The following PCDHGA7 variants were observed in gnomAD, a reference collection of about 807,000 sequenced individuals.
PCDHGA7 encodes the protein protocadherin gamma-A7.
Under a neutral mutation model 58.3 loss-of-function variants are expected in PCDHGA7, and 44 were observed. The ratio of observed to expected loss-of-function variants is 0.75; its 90% CI spans 0.59 to 0.97. The LOEUF (loss-of-function observed/expected upper bound fraction) is 0.97. PCDHGA7 is among the 50% of genes least tolerant of loss of function. PCDHGA7 has a pLI of 0.00. For synonymous variants in PCDHGA7, 516 were observed against 504.2 expected (o/e 1.02, Z -0.31); for missense variants, 1,266 against 1,188.7 (o/e 1.06, Z -0.96).
chr5:141,483,648 T>TTGTGTGTGTGTG (rs111458813), intron 1 of PCDHGA7, among the ~76,000 whole-genome samples: 51 of 149,708 alleles, frequency 3.4e-4, no homozygotes, highest in African/African-American at 1.2e-3. Context: ...GGGTGTGTGT[T>TTGTGTGTGTGTG]TGTGTGTGTG....
At position 141,476,387 on chromosome 5, in the gene PCDHGA7, C is replaced by T. The variant is rs147660262; in HGVS notation, c.2425-18420C>T. The T allele has an allele frequency of 6.2e-6, 10 of 1,613,958 alleles. No homozygotes were observed. Among genetic ancestry groups the T allele is most frequent in the Non-Finnish European group, 7.6e-6 (9 of 1,180,032 alleles). ...GACCGGAGAGATGTTTGTGAACGAC[C>T]GTCTGGATCGAGAGGAGCTGTGTGG... On this transcript the variant is annotated intron_variant, in intron 1 of 3. Coordinates refer to ENST00000518325, the MANE Select transcript of PCDHGA7 (RefSeq NM_018920.4). This position sits in a 1 kb window ranked among gnomAD's most constrained non-coding sequence, Gnocchi z 7.6.
chr5:141,431,610 T>A lies in PCDHGA7; in HGVS notation c.2424+46287T>A. The stretch of plus-strand genomic sequence containing the variant: ...GAAGTGAGGTATTCCTTCCGGTATG[T>A]GGACGACAAGGCGGCCCAAGTTTTC... On this transcript the variant is annotated intron_variant, in intron 1 of 3. Transcript: ENST00000518325. The surrounding 1 kb of genome is among the most constrained non-coding windows in gnomAD (Gnocchi z 4.8). 6.2e-7 allele frequency: 1 copy of A among 1,614,238 alleles called. No homozygotes were observed. Among genetic ancestry groups the A allele is most frequent in the Non-Finnish European group, 8.5e-7 (1 of 1,180,034 alleles).
Position 141,382,898 on chromosome 5 carries a change from C to T in PCDHGA7, c.-2C>T, listed in dbSNP as rs938652730. On this transcript the variant is annotated 5_prime_UTR_variant, in exon 1 of 4. Transcript: ENST00000518325. ...CGCCTAAGCAAGAGAAGCAGGACGA[C>T]TATGGCGGCTCAGCCGAGGGGCGGG... is the stretch of plus-strand genomic sequence containing the variant. 6.5e-7 allele frequency: 1 copy of T among 1,541,064 alleles called. No homozygotes were observed.
chr5:141,458,340 G>C (rs4551132), intron 1 of PCDHGA7, among the ~76,000 whole-genome samples: 42,372 of 151,882 alleles, frequency 0.28, 6,646 homozygotes, highest in African/African-American at 0.43. Context: ...TTTAAGGAGT[G>C]GAGAGTTTAA....
chr5:141,394,536 G>A lies in PCDHGA7; in HGVS notation c.2424+9213G>A. The A allele has an allele frequency of 1.2e-6, 2 of 1,614,188 alleles. No individual in the cohort carries two copies. Among genetic ancestry groups the A allele is most frequent in the Middle Eastern group, 1.7e-4 (1 of 6,058 alleles). Reference sequence around the variant, plus strand: ...CCTCCCCACAGACGGTTCCACTGGCGTGGAGCTGGCGCCCCGCTCCGCAGA... The same window carrying A: ...CCTCCCCACAGACGGTTCCACTGGCATGGAGCTGGCGCCCCGCTCCGCAGA... On this transcript the variant is annotated intron_variant, in intron 1 of 3. Transcript: ENST00000518325.
chr5:141,422,078 A>G lies in PCDHGA7; in HGVS notation c.2424+36755A>G, dbSNP rs1442545718. 11 of 1,612,298 alleles carry G rather than the reference A, an allele frequency of 6.8e-6. No homozygotes were observed. In the South Asian group the frequency reaches 8.8e-5, roughly 13 times the overall value. Reference sequence around the variant, plus strand: ...GGGGAAGTAATGTATTCATTTCGGAACATGGAAAGCAAGGCTTCTGAAATA... The same window carrying G: ...GGGGAAGTAATGTATTCATTTCGGAGCATGGAAAGCAAGGCTTCTGAAATA... On this transcript the variant is annotated intron_variant, in intron 1 of 3. Coordinates refer to ENST00000518325, the MANE Select transcript of PCDHGA7 (RefSeq NM_018920.4).
intron 1 of PCDHGA7, among the ~76,000 whole-genome samples, chr5:141,424,973 G>A (rs2096851520): frequency 6.6e-6 from 1 of 152,108 alleles, no homozygotes; most frequent in African/African-American, 2.4e-5. Flanking sequence ...AAATTACTTG[G>A]ATATTTATGT....
At position 141,432,156 on chromosome 5, in the gene PCDHGA7, C is replaced by A; in HGVS notation, c.2424+46833C>A. On this transcript the variant is annotated intron_variant, in intron 1 of 3. Transcript: ENST00000518325. This position sits in a 1 kb window ranked among gnomAD's most constrained non-coding sequence, Gnocchi z 6.0. Reference sequence around the variant, plus strand: ...TCCGCTTATATCCCAGAGAACAATCCCAGAGGAGTTTCCCTCGTCTCTGTG... The same window carrying A: ...TCCGCTTATATCCCAGAGAACAATCACAGAGGAGTTTCCCTCGTCTCTGTG... The A allele has an allele frequency of 6.2e-7, 1 of 1,614,142 alleles. No homozygotes were observed. Among genetic ancestry groups the A allele is most frequent in the East Asian group, 2.2e-5 (1 of 44,874 alleles).
chr5:141,469,395 T>G lies in PCDHGA7; in HGVS notation c.2425-25412T>G, dbSNP rs1332746609. ...ATCGAGACCATCCTGGCCAACATGG[T>G]GAAACCCCGTTTCTACTAAAAATAT... On this transcript the variant is annotated intron_variant, in intron 1 of 3. Transcript: ENST00000518325. Among the ~76,000 whole-genome samples, 6 of 152,194 alleles carry G rather than the reference T, an allele frequency of 3.9e-5. No homozygotes were observed. The East Asian group carries it at 1.2e-3, about 29-fold the overall frequency.
chr5:141,411,079 T>C (rs1178503371), intron 1 of PCDHGA7: 2 of 154,384 alleles, frequency 1.3e-5, no homozygotes, highest in African/African-American at 2.4e-5. Flanking sequence ...CAGAAACTCC[T>C]GTCCTCGTGA....
chr5:141,419,145 A>T, intron 1 of PCDHGA7: 1 of 1,613,940 alleles, frequency 6.2e-7, no homozygotes, highest in Non-Finnish European at 8.5e-7. Flanking sequence ...GACAGGGGCA[A>T]GCCTCCGTTA....
chr5:141,473,362 C>A (rs2099320242), intron 1 of PCDHGA7, among the ~76,000 whole-genome samples: 1 of 152,166 alleles, frequency 6.6e-6, no homozygotes, highest in Admixed American at 6.5e-5. Context: ...AAGTGGCCAC[C>A]AAAATAGCAT....
chr5:141,486,456 C>G lies in PCDHGA7; in HGVS notation c.2425-8351C>G. ...AGCTATGACATCATGGTCACTGCTT[C>G]TGATGCTGGGAACCCTCCTCTCAGT... is the stretch of plus-strand genomic sequence containing the variant. On this transcript the variant is annotated intron_variant, in intron 1 of 3. Transcript: ENST00000518325. The surrounding 1 kb of genome is among the most constrained non-coding windows in gnomAD (Gnocchi z 5.0). The G allele has an allele frequency of 1.9e-6, 3 of 1,614,052 alleles. No homozygotes were observed. In the South Asian group the frequency reaches 3.3e-5, roughly 18 times the overall value.
chr5:141,384,982 G>C lies in PCDHGA7; in HGVS notation c.2083G>C (p.Val695Leu). 6.2e-7 allele frequency: 1 copy of C among 1,614,144 alleles called. No homozygotes were observed. The highest frequency in any genetic ancestry group is 8.5e-7 in the Non-Finnish European group (1 of 1,180,040). The change falls in exon 1 of 4, where the codon GTG becomes CTG. Residue 695 changes from valine to leucine, a missense_variant. By Grantham distance (32) the Val-to-Leu change is conservative (BLOSUM62 1). Transcript: ENST00000518325. ...YNYDLTLYLV[V>L]AVATVSCVFL... ...CTATGACCTCACGTTGTACCTGGTG[G>C]TGGCGGTGGCCACAGTCTCCTGCGT...
At chr5:141,388,104 T>C in intron 1 of PCDHGA7, 1 of 1,386,112 alleles carries the variant, frequency 7.2e-7, no homozygotes, top group Non-Finnish European at 1.0e-6. Context: ...GGAGAAGCCT[T>C]ACTTCACCGT....
chr5:141,509,081 A>T (rs1279221589), intron 3 of PCDHGA7, among the ~76,000 whole-genome samples: 1 of 152,160 alleles, frequency 6.6e-6, no homozygotes, highest in Non-Finnish European at 1.5e-5. Context: ...GATTTGCGAC[A>T]TGAAATGGGG....
intron 1 of PCDHGA7, among the ~76,000 whole-genome samples, chr5:141,484,454 G>A (rs932663778): frequency 6.6e-6 from 1 of 152,212 alleles, no homozygotes; most frequent in African/African-American, 2.4e-5. Context: ...AATTGGCTAC[G>A]TTAATGTGTA....
At chr5:141,388,597 A>G (rs1277451358) in intron 1 of PCDHGA7, 1 of 1,613,752 alleles carries the variant, frequency 6.2e-7, no homozygotes, top group Non-Finnish European at 8.5e-7. Context: ...GCCAATGATA[A>G]TGCTCCAGTG....
At chr5:141,413,658 T>G (rs2154544690) in intron 1 of PCDHGA7, 1 of 1,613,860 alleles carries the variant, frequency 6.2e-7, no homozygotes, top group East Asian at 2.2e-5. Flanking sequence ...TCCCGGAAGC[T>G]ATTGATCCGG....
Sources: allele counts gnomAD v4.1 joint callset (sites outside exome capture counted in the v4.1 genomes callset), GRCh38; gene constraint gnomAD v4.1.1; non-coding constraint Gnocchi (gnomAD v3.1); transcripts MANE v1.5; gene names NCBI Gene and HGNC (gene_info 2026-07-23, HGNC 2026-07-21).